KCNIP1: variants seen among roughly 807,000 people sequenced by gnomAD.
KCNIP1 encodes the protein A-type potassium channel modulatory protein KCNIP1.
A neutral mutation model predicts 33.0 loss-of-function variants in KCNIP1; 18 were observed. The ratio of observed to expected loss-of-function variants is 0.55; its 90% CI spans 0.38 to 0.81. The LOEUF (loss-of-function observed/expected upper bound fraction) is 0.81. Among genes scored for constraint, KCNIP1 ranks in the 30% least tolerant of loss-of-function variants. KCNIP1 has a pLI of 0.00. For synonymous variants in KCNIP1, 93 were observed against 98.3 expected (o/e 0.95, Z 0.32); for missense variants, 238 against 271.6 (o/e 0.88, Z 0.87).
intron 1 of KCNIP1, among the ~76,000 whole-genome samples, chr5:170,600,163 T>C: frequency 6.6e-6 from 1 of 152,236 alleles, no homozygotes; most frequent in Non-Finnish European, 1.5e-5. Context: ...GTAGTAGAGC[T>C]GGGACCTGAA....
chr5:170,586,557 C>T (rs538696720), intron 1 of KCNIP1, among the ~76,000 whole-genome samples: 44 of 152,360 alleles, frequency 2.9e-4, no homozygotes, highest in Middle Eastern at 3.4e-3. Flanking sequence ...GTCCATGCCA[C>T]ATTGTTCTGT....
chr5:170,489,953 CAAG>C lies in KCNIP1; in HGVS notation c.88+135993_88+135995del, dbSNP rs1212326693. On this transcript the variant is annotated intron_variant, in intron 1 of 7. Coordinates refer to the KCNIP1 transcript ENST00000377360. This position sits in a 1 kb window ranked among gnomAD's most constrained non-coding sequence, Gnocchi z 4.3. The stretch of plus-strand genomic sequence containing the variant: ...CAGGGAATAATGAGCCTGGCAGCTG[CAAG>C]AAGGAGATGAGCTCCAGGGTTTGAG... 2.6e-5 allele frequency among the ~76,000 whole-genome samples: 4 copies of C among 152,184 alleles called. No individual in the cohort carries two copies. Among genetic ancestry groups the C allele is most frequent in the Non-Finnish European group, 4.4e-5 (3 of 68,044 alleles).
intron 1 of KCNIP1, among the ~76,000 whole-genome samples, chr5:170,409,493 C>T (rs974952719): frequency 6.6e-6 from 1 of 152,202 alleles, no homozygotes; most frequent in African/African-American, 2.4e-5. Flanking sequence ...ACAAACAGTA[C>T]CCCATGAATA....
chr5:170,477,596 C>T (rs1426367427), intron 1 of KCNIP1, among the ~76,000 whole-genome samples: 5 of 152,084 alleles, frequency 3.3e-5, no homozygotes, highest in Non-Finnish European at 7.3e-5. Flanking sequence ...GCACATGCCA[C>T]CATGCTCAGC....
chr5:170,536,434 C>G (rs1755987300), intron 1 of KCNIP1, among the ~76,000 whole-genome samples: 1 of 152,236 alleles, frequency 6.6e-6, no homozygotes, highest in African/African-American at 2.4e-5. Flanking sequence ...CCACCTTCCC[C>G]CAACAGCTGA....
intron 1 of KCNIP1, among the ~76,000 whole-genome samples, chr5:170,712,478 T>G (rs1288014239): frequency 6.6e-6 from 1 of 152,208 alleles, no homozygotes; most frequent in Non-Finnish European, 1.5e-5. Context: ...AATGGGGGCC[T>G]CCTGATTGTG....
chr5:170,504,521 T>C lies in KCNIP1; in HGVS notation c.-52T>C, dbSNP rs189381622. On this transcript the variant is annotated 5_prime_UTR_variant, in exon 1 of 8. Transcript: ENST00000328939. The surrounding 1 kb of genome is among the most constrained non-coding windows in gnomAD (Gnocchi z 6.0). ...AAACCACGGGGATTTCTTTCCAGGG[T>C]AGGGGAGGGGCCGGGCCCGGGGTCC... The C allele has an allele frequency of 2.7e-5, 44 of 1,609,116 alleles. No homozygotes were observed. The highest frequency in any genetic ancestry group is 3.7e-5 in the Non-Finnish European group (44 of 1,179,568).
chr5:170,472,284 T>C (rs1756747359), intron 1 of KCNIP1, among the ~76,000 whole-genome samples: 1 of 152,170 alleles, frequency 6.6e-6, no homozygotes, highest in South Asian at 2.1e-4. Context: ...ATGAGAGGCC[T>C]CCCCAGGCAG....
chr5:170,544,148 C>T (rs1459548954), intron 1 of KCNIP1, among the ~76,000 whole-genome samples: 1 of 152,136 alleles, frequency 6.6e-6, no homozygotes, highest in Non-Finnish European at 1.5e-5. Context: ...CGTGGTGGCT[C>T]ACACCTGTAA....
intron 1 of KCNIP1, among the ~76,000 whole-genome samples, chr5:170,470,466 G>A (rs561580754): frequency 5.9e-4 from 90 of 152,090 alleles, no homozygotes; most frequent in African/African-American, 1.9e-3. Flanking sequence ...CTGCCCACCC[G>A]GCACAGTGCA....
intron 1 of KCNIP1, among the ~76,000 whole-genome samples, chr5:170,533,591 TTTAC>T (rs1477635929): frequency 1.3e-5 from 2 of 152,176 alleles, no homozygotes; most frequent in Admixed American, 6.5e-5. Flanking sequence ...TGCTCTGTCA[TTTAC>T]TTACTGTGTG....
intron 1 of KCNIP1, among the ~76,000 whole-genome samples, chr5:170,404,718 G>T (rs2113391906): frequency 6.6e-6 from 1 of 152,326 alleles, no homozygotes; most frequent in South Asian, 2.1e-4. Flanking sequence ...GGTCCAAGCA[G>T]ATCATGAGGC....
intron 1 of KCNIP1, among the ~76,000 whole-genome samples, chr5:170,423,328 CACAA>C (rs952041321): frequency 2.0e-5 from 3 of 150,916 alleles, no homozygotes; most frequent in African/African-American, 7.3e-5. Context: ...ATTTAAGACA[CACAA>C]ACAGATAAAA....
chr5:170,395,720 G>A (rs1754744086), intron 1 of KCNIP1, among the ~76,000 whole-genome samples: 1 of 152,214 alleles, frequency 6.6e-6, no homozygotes, highest in Non-Finnish European at 1.5e-5. Flanking sequence ...GGCCTGACTT[G>A]AGCCTTAGTG....
At chr5:170,498,013 A>C (rs902874046) in intron 1 of KCNIP1, among the ~76,000 whole-genome samples, 4 of 152,256 alleles carry the variant, frequency 2.6e-5, no homozygotes, top group Non-Finnish European at 4.4e-5. Context: ...TGCTCCCTCC[A>C]GAACATGATC....
In KCNIP1 at chr5:170,712,981, T is replaced by G. The variant is rs1046929718; in HGVS notation, c.62-5777T>G. 1.9e-5 allele frequency: 19 copies of G among 975,868 alleles called. No individual in the cohort carries two copies. The East Asian group carries it at 4.5e-4, about 23-fold the overall frequency. 60.5% of individuals were successfully genotyped at this position (975,868 alleles called of 1,614,324 possible). On this transcript the variant is annotated intron_variant, in intron 1 of 7. Transcript: ENST00000328939. ...TCATGTTTTGTAATTAGTCTTCTCA[T>G]GCACCAGCTTTCTGTGTCCTTTGTT...
chr5:170,706,707 C>A (rs1405530300), intron 1 of KCNIP1, among the ~76,000 whole-genome samples: 1 of 152,182 alleles, frequency 6.6e-6, no homozygotes, highest in Non-Finnish European at 1.5e-5. Context: ...GGCAATTTTA[C>A]TTTTCCTTTG....
At chr5:170,637,274 C>T (rs1428472430) in intron 1 of KCNIP1, among the ~76,000 whole-genome samples, 1 of 152,110 alleles carries the variant, frequency 6.6e-6, no homozygotes, top group Non-Finnish European at 1.5e-5. Flanking sequence ...CCTCAGACCC[C>T]GAGTGTCTGG....
intron 1 of KCNIP1, among the ~76,000 whole-genome samples, chr5:170,594,260 G>T (rs770970000): frequency 6.6e-6 from 1 of 152,154 alleles, no homozygotes; most frequent in African/African-American, 2.4e-5. Context: ...AATCACATCT[G>T]CTGGGAATAA....
Sources: allele counts gnomAD v4.1 joint callset (sites outside exome capture counted in the v4.1 genomes callset), GRCh38; gene constraint gnomAD v4.1.1; non-coding constraint Gnocchi (gnomAD v3.1); transcripts MANE v1.5; gene names NCBI Gene and HGNC (gene_info 2026-07-23, HGNC 2026-07-21).